The following DROSHA variants were observed in gnomAD, a reference collection of about 807,000 sequenced individuals.
DROSHA encodes the protein ribonuclease 3.
A neutral mutation model predicts 181.9 loss-of-function variants in DROSHA; 56 were observed. That is an observed-to-expected ratio of 0.31 (90% confidence interval 0.25 to 0.38). DROSHA has a LOEUF of 0.38. Ranked by LOEUF, DROSHA falls within the 10% of genes least tolerant of loss-of-function variation. The pLI is 1.00. For synonymous variants in DROSHA, 524 were observed against 591.2 expected (o/e 0.89, Z 1.65); for missense variants, 1,218 against 1,743.5 (o/e 0.70, Z 5.37).
intron 20 of DROSHA, among the ~76,000 whole-genome samples, chr5:31,457,416 C>A (rs147996548): frequency 6.6e-6 from 1 of 152,080 alleles, no homozygotes; most frequent in African/African-American, 2.4e-5. Context: ...TGAGCCACTG[C>A]GTGCGTAGCC....
In DROSHA at chr5:31,451,655, A is replaced by C; in HGVS notation, c.2575-15T>G. On this transcript the variant is annotated splice_polypyrimidine_tract_variant and intron_variant, in intron 20 of 35. Transcript: ENST00000344624. ...ATCATTGCATGCTAGGAAAAAAAAA[A>C]TTCAATATGTTTAACTTTATAAAAA... The C allele has an allele frequency of 6.4e-7, 1 of 1,572,304 alleles. No homozygotes were observed. Among genetic ancestry groups the C allele is most frequent in the Non-Finnish European group, 8.7e-7 (1 of 1,151,002 alleles).
At chr5:31,458,164 A>G (rs972179546) in intron 20 of DROSHA, among the ~76,000 whole-genome samples, 14 of 152,236 alleles carry the variant, frequency 9.2e-5, no homozygotes, top group African/African-American at 3.1e-4. Flanking sequence ...CTGTGTCCCA[A>G]TAAACCTATC....
chr5:31,492,848 A>G (rs145175589), intron 13 of DROSHA, among the ~76,000 whole-genome samples: 74 of 152,368 alleles, frequency 4.9e-4, no homozygotes, highest in African/African-American at 1.7e-3. Context: ...TTTTGCTCAG[A>G]GACTAAACAA....
intron 23 of DROSHA, 144 bp downstream of exon 23, chr5:31,448,403 C>A: frequency 1.5e-6 from 1 of 671,956 alleles, no homozygotes; most frequent in Non-Finnish European, 2.5e-6. Context: ...GGGGTAATGT[C>A]AATGTTGCAA....
At chr5:31,426,748 T>C (rs542205388) in intron 27 of DROSHA, among the ~76,000 whole-genome samples, 1 of 152,222 alleles carries the variant, frequency 6.6e-6, no homozygotes, top group Non-Finnish European at 1.5e-5. Context: ...ATGTAGTATA[T>C]AGAGCTTGGG....
chr5:31,432,528 T>C (rs948578424), intron 25 of DROSHA, among the ~76,000 whole-genome samples: 3 of 152,192 alleles, frequency 2.0e-5, no homozygotes, highest in Non-Finnish European at 4.4e-5. Context: ...GTTGTGACGA[T>C]TTGGGGACCC....
In DROSHA at chr5:31,529,028, C is replaced by T. The variant is rs1740914901; in HGVS notation, c.20+12G>A. 6.2e-7 allele frequency: 1 copy of T among 1,613,132 alleles called. No homozygotes were observed. Among genetic ancestry groups the T allele is most frequent in the Non-Finnish European group, 8.5e-7 (1 of 1,179,620 alleles). ...TCTCCCAAACTATTGCCATTCCCAT[C>T]ACGGCACTCACCATGTGTTTCCCTG... On this transcript the variant is annotated intron_variant, in intron 4 of 35. Transcript: ENST00000344624.
intron 30 of DROSHA, among the ~76,000 whole-genome samples, chr5:31,417,537 C>G (rs1039778752): frequency 6.6e-6 from 1 of 150,990 alleles, no homozygotes; most frequent in Admixed American, 6.6e-5. Context: ...GGGTGATAAC[C>G]ATAAAAGTGG....
chr5:31,406,447 G>A (rs1434013456), intron 34 of DROSHA, among the ~76,000 whole-genome samples: 9 of 151,908 alleles, frequency 5.9e-5, no homozygotes, highest in Admixed American at 5.9e-4. Flanking sequence ...TGGAGATCAT[G>A]CCACTGTACC....
At position 31,413,406 on chromosome 5, in the gene DROSHA, GA is replaced by G. The variant is rs1422853100; in HGVS notation, c.3526-2520del. Among the ~76,000 whole-genome samples the G allele has an allele frequency of 3.3e-5, 5 of 152,338 alleles. No homozygotes were observed. The East Asian group carries it at 9.6e-4, about 29-fold the overall frequency. ...AAGACCTTGCTCTTTACCTAGACAA[GA>G]AAGTCTGAATGGCAGTTCTCTAAAT... On this transcript the variant is annotated intron_variant, in intron 30 of 35. Transcript: ENST00000344624.
At chr5:31,499,761 G>C (rs1380680819) in intron 11 of DROSHA, among the ~76,000 whole-genome samples, 4 of 152,160 alleles carry the variant, frequency 2.6e-5, no homozygotes, top group Non-Finnish European at 5.9e-5. Flanking sequence ...GTAAGAATCT[G>C]CCTTTCTAAC....
chr5:31,451,669 A>T (rs1221130802), intron 20 of DROSHA, 29 bp from the exon 21 acceptor site: 3 of 1,525,112 alleles, frequency 2.0e-6, no homozygotes, highest in Non-Finnish European at 2.7e-6. Context: ...AATATGTTTA[A>T]CTTTATAAAA....
At chr5:31,481,997 G>A (rs1048044841) in intron 16 of DROSHA, among the ~76,000 whole-genome samples, 2 of 152,202 alleles carry the variant, frequency 1.3e-5, no homozygotes, top group Admixed American at 6.5e-5. Flanking sequence ...GGGCACTGGA[G>A]GAAGCCAGAC....
In DROSHA at chr5:31,405,736, ATAAAG is replaced by A. The variant is rs765611415; in HGVS notation, c.3948-18_3948-14del. ...CGCTTGCTGAATACTATTAAATAAA[ATAAAG>A]TAAGACATACTTTAATTTCAAGATT... On this transcript the variant is annotated splice_polypyrimidine_tract_variant and intron_variant, in intron 34 of 35. Coordinates refer to ENST00000344624, the MANE Select transcript of DROSHA (RefSeq NM_001382508.1). The A allele has an allele frequency of 4.7e-6, 7 of 1,504,894 alleles. No individual in the cohort carries two copies. The highest frequency in any genetic ancestry group is 1.7e-4 in the Middle Eastern group (1 of 5,744). The allele number at this position is 1,504,894 out of a possible 1,614,324, so 93.2% of individuals were successfully genotyped here. A position where few individuals can be genotyped will look rare whatever the true frequency, so the allele number is the denominator to read the frequency against.
At chr5:31,495,231 C>T (rs552790296) in intron 12 of DROSHA, 55 bp downstream of exon 12, 6 of 1,539,080 alleles carry the variant, frequency 3.9e-6, no homozygotes, top group Admixed American at 1.8e-5. Flanking sequence ...AGCCTATTCA[C>T]ATTTTACTCT....
chr5:31,429,437 T>C lies in DROSHA; in HGVS notation c.3216+38A>G, dbSNP rs370201854. The C allele has an allele frequency of 1.1e-3, 1,689 of 1,557,514 alleles. 24 individuals carry two copies. In the South Asian group the frequency reaches 0.014, roughly 13 times the overall value. ...GCTGAAATAAAATATTCTGTAATAA[T>C]ATATAACAAAAAAAATCAAATGATT... On this transcript the variant is annotated intron_variant, in intron 27 of 35. Coordinates refer to ENST00000344624, the MANE Select transcript of DROSHA (RefSeq NM_001382508.1).
chr5:31,425,118 A>G (rs538644915), intron 27 of DROSHA, among the ~76,000 whole-genome samples: 119 of 152,252 alleles, frequency 7.8e-4, no homozygotes, highest in Non-Finnish European at 1.4e-3. Context: ...TTCAGACTCT[A>G]GGGAGCCTCT....
At chr5:31,445,461 G>GT (rs1288206554) in intron 23 of DROSHA, among the ~76,000 whole-genome samples, 1 of 152,198 alleles carries the variant, frequency 6.6e-6, no homozygotes, top group Non-Finnish European at 1.5e-5. Flanking sequence ...TATGAGGCCA[G>GT]TATTACCATT....
chr5:31,472,072 G>A lies in DROSHA; in HGVS notation c.2232C>T (p.Asn744=), dbSNP rs1366842182. 6.2e-7 allele frequency: 1 copy of A among 1,613,694 alleles called. No individual in the cohort carries two copies. Among genetic ancestry groups the A allele is most frequent in the Non-Finnish European group, 8.5e-7 (1 of 1,179,762 alleles). Residue 744 remains asparagine (N), a synonymous_variant, in exon 17 of 36, where the codon AAC becomes AAT. Coordinates refer to ENST00000344624, the MANE Select transcript of DROSHA (RefSeq NM_001382508.1). ...AGACACCAGAACATACCGTCCCAGG[G>A]TTGGTAACAATCATGCCTTTGCATT... ...AEECKGMIVT[N]PGTKPSSVRI...
Sources: gnomAD v4.1 joint callset for allele counts (sites outside exome capture counted in the v4.1 genomes callset) on GRCh38, gnomAD v4.1.1 for gene constraint, MANE v1.5 for transcripts, NCBI Gene and HGNC (gene_info 2026-07-23, HGNC 2026-07-21) for gene names.